Variants in ZNF638 observed in about 807,000 individuals in gnomAD.
ZNF638 encodes the protein zinc finger protein 638.
In ZNF638, 46 loss-of-function variants were observed where a neutral mutation model predicts 195.6. The ratio of observed to expected loss-of-function variants is 0.24; its 90% CI spans 0.19 to 0.30. The LOEUF (loss-of-function observed/expected upper bound fraction) is 0.30, where lower values mean the gene tolerates loss of function less well. Among genes scored for constraint, ZNF638 ranks in the 10% least tolerant of loss-of-function variants. The pLI is 1.00. For synonymous variants in ZNF638, 845 were observed against 772.0 expected, an observed-to-expected ratio of 1.09 and a Z score of -1.57; for missense variants, 2,440 against 2,325.3, an observed-to-expected ratio of 1.05 and a Z score of -1.01.
Position 71,399,629 on chromosome 2 carries a change from A to T in ZNF638, c.2571A>T (p.Lys857Asn). The part of the protein sequence containing the change: ...TGNVKNKDSN[K>N]PVTIPENSEI... ...ATGTCAAAAACAAAGACTCTAACAA[A>T]CCTGTGACTATACCAGGTAAGCTTG... The change falls in exon 13 of 28, where the codon AAA (lysine) becomes AAT (asparagine). Residue 857 changes from lysine (K) to asparagine (N), a missense_variant. Coordinates refer to ENST00000264447, the MANE Select transcript of ZNF638 (RefSeq NM_014497.5). 1 of 1,611,788 alleles carries T rather than the reference A, an allele frequency of 6.2e-7. No individual in the cohort carries two copies. Among genetic ancestry groups the T allele is most frequent in the Non-Finnish European group, 8.5e-7 (1 of 1,178,882 alleles).
At chr2:71,400,044 T>G (rs1225663883) in intron 13 of ZNF638, 68 bp from the exon 14 acceptor site, 1 of 1,301,048 alleles carries the variant, frequency 7.7e-7, no homozygotes, top group Non-Finnish European at 1.1e-6. Flanking sequence ...CTTAAGTTCC[T>G]GTTTAGATTC....
At position 71,350,150 on chromosome 2, in the gene ZNF638, C is replaced by T. The variant is rs1437542596; in HGVS notation, c.1196C>T (p.Ala399Val). Residue 399 changes from alanine to valine, a missense_variant, in exon 2 of 28, where the codon GCT becomes GTT. Physicochemically the swap from Ala to Val is moderately conservative, Grantham distance 64. Transcript: ENST00000264447. The stretch of plus-strand genomic sequence containing the variant: ...TCCTGGCTACCAAAGTTTTCACATG[C>T]TGATGCCCAGAAGATGAAGAGACTT... ...KASWLPKFSH[A>V]DAQKMKRLPT... The T allele has an allele frequency of 1.2e-6, 2 of 1,613,808 alleles. No homozygotes were observed. The highest frequency in any genetic ancestry group is 3.3e-5 in the Admixed American group (2 of 60,026).
At chr2:71,374,853 T>G (rs1364575123) in intron 8 of ZNF638, 2 of 152,144 alleles carry the variant, frequency 1.3e-5, no homozygotes, top group Non-Finnish European at 2.9e-5. Context: ...GCCCACACGA[T>G]GGAGAGGTAG....
At chr2:71,348,125 T>C (rs561294171) in intron 1 of ZNF638, among the ~76,000 whole-genome samples, 5 of 152,374 alleles carry the variant, frequency 3.3e-5, no homozygotes, top group African/African-American at 1.2e-4. Flanking sequence ...ATGTATTATG[T>C]TCTATGTTAT....
In ZNF638 at chr2:71,369,933, C is replaced by T. The variant is rs777380628; in HGVS notation, c.2193C>T (p.Tyr731=). ...AGGCAATTACTGCAATTATGAAGTA[C>T]ATTGAAACAACACCTCTTACGATAA... The part of the protein sequence containing the change: ...FKEAITAIMK[Y]IETTPLTIKG... Residue 731 remains tyrosine, a synonymous_variant, in exon 8 of 28, where the codon TAC becomes TAT. Transcript: ENST00000264447. 6.3e-7 allele frequency: 1 copy of T among 1,595,658 alleles called. No homozygotes were observed. The highest frequency in any genetic ancestry group is 1.2e-5 in the South Asian group (1 of 86,308).
At chr2:71,369,796 T>C in intron 7 of ZNF638, 87 bp from the exon 8 acceptor site, 1 of 1,342,190 alleles carries the variant, frequency 7.5e-7, no homozygotes, top group East Asian at 2.5e-5. Flanking sequence ...AGTTTGATGT[T>C]ACAAAAGAAA....
At chr2:71,382,077 T>A (rs895233857) in intron 10 of ZNF638, among the ~76,000 whole-genome samples, 2 of 152,126 alleles carry the variant, frequency 1.3e-5, no homozygotes, top group African/African-American at 4.8e-5. Context: ...TAAGTGAGTT[T>A]AAAAAATTTT....
At chr2:71,388,694 GA>G in intron 10 of ZNF638, 4 of 1,154,114 alleles carry the variant, frequency 3.5e-6, no homozygotes, top group Non-Finnish European at 5.3e-6. Context: ...CGGAACCCCC[GA>G]AAATGAAGGC....
At chr2:71,394,674 C>A (rs575983251) in intron 10 of ZNF638, among the ~76,000 whole-genome samples, 1 of 152,286 alleles carries the variant, frequency 6.6e-6, no homozygotes, top group South Asian at 2.1e-4. Flanking sequence ...TGCCCTGTCC[C>A]AGGTCAGACA....
chr2:71,429,858 A>G (rs774233233), intron 25 of ZNF638, among the ~76,000 whole-genome samples: 2 of 152,172 alleles, frequency 1.3e-5, no homozygotes, highest in Non-Finnish European at 2.9e-5. Context: ...CTCTTTGCCA[A>G]GTCATGGTCA....
chr2:71,354,151 C>G (rs549966973), intron 2 of ZNF638, among the ~76,000 whole-genome samples: 3 of 152,162 alleles, frequency 2.0e-5, no homozygotes, highest in Non-Finnish European at 4.4e-5. Context: ...TTCTAATGAC[C>G]TAAACTAAAA....
intron 20 of ZNF638, among the ~76,000 whole-genome samples, chr2:71,409,573 A>G (rs2080170882): frequency 6.6e-6 from 1 of 152,112 alleles, no homozygotes; most frequent in Non-Finnish European, 1.5e-5. Context: ...TGAGTTTCTT[A>G]TATTCCCAGT....
Position 71,431,451 on chromosome 2 carries a change from T to C in ZNF638, c.5752+23T>C, listed in dbSNP as rs371394368. ...AGGGTAAAGTTAAAATGACATTTTT[T>C]TCTTACCCATATGAAATTTAAAAGT... On this transcript the variant is annotated intron_variant, in intron 26 of 27. Transcript: ENST00000264447. 16 of 1,607,152 alleles carry C rather than the reference T, an allele frequency of 1.0e-5. No homozygotes were observed. In the Admixed American group the frequency reaches 2.7e-4, roughly 27 times the overall value.
chr2:71,414,771 A>G (rs1476701880), intron 20 of ZNF638, among the ~76,000 whole-genome samples: 34 of 118,528 alleles, frequency 2.9e-4, no homozygotes, highest in Admixed American at 2.8e-3. Context: ...TTCAGTTTCC[A>G]TGTAGTTGAG....
rs1213590083 is a variant in ZNF638, at chr2:71,423,145, A to G, written c.3631A>G (p.Lys1211Glu). 10 of 1,614,006 alleles carry G rather than the reference A, an allele frequency of 6.2e-6. No individual in the cohort carries two copies. Among genetic ancestry groups the G allele is most frequent in the African/African-American group, 2.7e-5 (2 of 74,932 alleles). The change falls in exon 22 of 28, where the codon AAG becomes GAG. Residue 1211 changes from lysine (K) to glutamate (E), a missense_variant. By Grantham distance (56) the Lys-to-Glu change is moderately conservative. This residue lies in a region of ZNF638 where 1,883 missense variants were observed against 1,739.1 expected (regional missense o/e 1.08). Coordinates refer to ENST00000264447, the MANE Select transcript of ZNF638 (RefSeq NM_014497.5). The part of the protein sequence containing the change: ...NQQMFNSDLE[K>E]KGAEIINPKT... ...GCAGATGTTTAACAGTGACTTGGAGAAGAAAGGGGCAGAAATTATTAACCC... is the reference window on the plus strand; with the variant it reads ...GCAGATGTTTAACAGTGACTTGGAGGAGAAAGGGGCAGAAATTATTAACCC...
intron 1 of ZNF638, among the ~76,000 whole-genome samples, chr2:71,345,620 C>T (rs1008585459): frequency 2.0e-5 from 3 of 152,098 alleles, no homozygotes; most frequent in African/African-American, 4.8e-5. Flanking sequence ...GGGCTCAAAG[C>T]AGTCCTCCTG....
In ZNF638 at chr2:71,365,519, GACATTC is replaced by G. The variant is rs764036996; in HGVS notation, c.1811_1816del (p.His604_Ser605del). ...AAGCATCTTGAAGCTGCTGATAAGG[GACATTC>G]ACCAGCACAAAAGCCTAAAACTAGC... On this transcript the variant is annotated inframe_deletion, in exon 6 of 28. Coordinates refer to ENST00000264447, the MANE Select transcript of ZNF638 (RefSeq NM_014497.5). 3 of 1,613,910 alleles carry G rather than the reference GACATTC, an allele frequency of 1.9e-6. No homozygotes were observed. Among genetic ancestry groups the G allele is most frequent in the Non-Finnish European group, 1.7e-6 (2 of 1,180,014 alleles).
At chr2:71,382,980 A>G (rs2079560586) in intron 10 of ZNF638, among the ~76,000 whole-genome samples, 1 of 152,198 alleles carries the variant, frequency 6.6e-6, no homozygotes, top group Admixed American at 6.5e-5. Context: ...ATGGGCACAT[A>G]GTATATTTAT....
chr2:71,360,202 ATG>A (rs2079085676), intron 3 of ZNF638, among the ~76,000 whole-genome samples: 1 of 152,190 alleles, frequency 6.6e-6, no homozygotes, highest in African/African-American at 2.4e-5. Context: ...AAAAACATTT[ATG>A]TGTTCTTCAT....
Sources: gnomAD v4.1 joint callset for allele counts (sites outside exome capture counted in the v4.1 genomes callset) on GRCh38, gnomAD v4.1.1 for gene constraint, gnomAD v4.1.1 regional missense constraint, MANE v1.5 for transcripts, NCBI Gene and HGNC (gene_info 2026-07-23, HGNC 2026-07-21) for gene names.